Variants in DIP2A observed in about 807,000 individuals in gnomAD.
The protein encoded by DIP2A is DIP2 acetate--CoA ligase A.
In DIP2A, 85 loss-of-function variants were observed where a neutral mutation model predicts 177.4. The observed-to-expected ratio is 0.48, with a 90% CI of 0.40 to 0.57. The LOEUF (loss-of-function observed/expected upper bound fraction) is 0.57. DIP2A is among the 20% of genes least tolerant of loss of function. DIP2A has a pLI of 0.00. For missense variants in DIP2A, 1,791 were observed against 2,100.2 expected, an observed-to-expected ratio of 0.85 and a Z score of 2.88; for synonymous variants, 886 against 881.8, an observed-to-expected ratio of 1.00 and a Z score of -0.08.
At chr21:46,494,542 T>C (rs2057197873) in intron 3 of DIP2A, among the ~76,000 whole-genome samples, 1 of 152,208 alleles carries the variant, frequency 6.6e-6, no homozygotes, top group African/African-American at 2.4e-5. Flanking sequence ...CCTTCTTCAC[T>C]CAAAGGCCAG....
intron 1 of DIP2A, among the ~76,000 whole-genome samples, chr21:46,461,599 G>A (rs2054318690): frequency 6.6e-6 from 1 of 152,142 alleles, no homozygotes. Flanking sequence ...TTGTGCGACA[G>A]AACACAAGTA....
the DIP2A span, among the ~76,000 whole-genome samples, chr21:46,575,704 TATAAA>T: frequency 3.9e-4 from 59 of 152,264 alleles, no homozygotes; most frequent in African/African-American, 1.1e-3. Flanking sequence ...ATGAAAGACT[TATAAA>T]ATGAAAAGTA....
rs376110662 is a variant in DIP2A, at chr21:46,557,096, C to T, written c.3629+27C>T. Reference sequence around the variant, plus strand: ...TGAGTGCAGGGCCCCTGCTGCCTGCCAGGTGGGAGCAGCTCGTGTGGCTCT... The same window carrying T: ...TGAGTGCAGGGCCCCTGCTGCCTGCTAGGTGGGAGCAGCTCGTGTGGCTCT... On this transcript the variant is annotated intron_variant, in intron 30 of 37. Coordinates refer to ENST00000417564, the MANE Select transcript of DIP2A (RefSeq NM_015151.4). This position sits in a 1 kb window ranked among gnomAD's most constrained non-coding sequence, Gnocchi z 6.0. The T allele has an allele frequency of 2.5e-6, 4 of 1,574,362 alleles. No individual in the cohort carries two copies. In the African/African-American group the frequency reaches 4.1e-5, roughly 16 times the overall value.
intron 1 of DIP2A, among the ~76,000 whole-genome samples, chr21:46,469,765 C>A (rs889061170): frequency 6.6e-6 from 1 of 152,138 alleles, no homozygotes; most frequent in African/African-American, 2.4e-5. Context: ...ACCTGCCTTC[C>A]TTTCCTCTTC....
At chr21:46,579,550 G>A in the DIP2A span, among the ~76,000 whole-genome samples, 1 of 152,098 alleles carries the variant, frequency 6.6e-6, no homozygotes, top group Non-Finnish European at 1.5e-5. Flanking sequence ...ATGTTAGGAT[G>A]TCAATTGGAG....
intron 34 of DIP2A, 87 bp downstream of exon 34, chr21:46,561,892 G>C (rs754277204): frequency 6.4e-7 from 1 of 1,570,102 alleles, no homozygotes; most frequent in East Asian, 2.3e-5. Flanking sequence ...TGGGGGCTGC[G>C]GCTCTGATGA....
intron 27 of DIP2A, 21 bp from the exon 28 acceptor site, chr21:46,554,801 C>G (rs775789485): frequency 1.3e-6 from 2 of 1,521,820 alleles, no homozygotes; most frequent in South Asian, 2.4e-5. Context: ...GCCCACCCAC[C>G]CTTGGCCCCT....
intron 8 of DIP2A, 133 bp downstream of exon 8, chr21:46,511,747 C>T (rs1171552913): frequency 2.1e-6 from 2 of 959,624 alleles, no homozygotes; most frequent in Non-Finnish European, 2.9e-6. Context: ...AGAACATTGA[C>T]CTATACCAGG....
intron 6 of DIP2A, among the ~76,000 whole-genome samples, chr21:46,505,744 A>G (rs1181180975): frequency 6.6e-6 from 1 of 152,006 alleles, no homozygotes; most frequent in Non-Finnish European, 1.5e-5. Context: ...TTCCCCATAC[A>G]CTTCAGGCAG....
chr21:46,503,615 T>TTCCTTCCTTC (rs1568987054), intron 5 of DIP2A, among the ~76,000 whole-genome samples: 5,611 of 89,260 alleles, frequency 0.063, 197 homozygotes, highest in East Asian at 0.12. Flanking sequence ...TTCCTTCCTT[T>TTCCTTCCTTC]CTTTCTTTCT....
chr21:46,487,970 A>G (rs1184231063), intron 2 of DIP2A, among the ~76,000 whole-genome samples: 1 of 152,238 alleles, frequency 6.6e-6, no homozygotes, highest in Non-Finnish European at 1.5e-5. Flanking sequence ...GACCCATTAG[A>G]AGAGGCAAAG....
intron 5 of DIP2A, among the ~76,000 whole-genome samples, chr21:46,500,863 T>A (rs1186066725): frequency 6.6e-6 from 1 of 152,260 alleles, no homozygotes; most frequent in Non-Finnish European, 1.5e-5. Context: ...TTACCTATGT[T>A]GGTGGAAGAC....
At position 46,545,930 on chromosome 21, in the gene DIP2A, C is replaced by A; in HGVS notation, c.2363C>A (p.Thr788Asn). 1 of 1,614,026 alleles carries A rather than the reference C, an allele frequency of 6.2e-7. No individual in the cohort carries two copies. Among genetic ancestry groups the A allele is most frequent in the Non-Finnish European group, 8.5e-7 (1 of 1,179,898 alleles). ...GCACCCATCTTTGACAGGCCATTCA[C>A]CAGGACAGGCCTGCTGGGCTTCATC... ...GGAPIFDRPF[T>N]RTGLLGFIGP... The change falls in exon 20 of 38, where the codon ACC becomes AAC. Residue 788 changes from threonine to asparagine, a missense_variant. By Grantham distance (65) the Thr-to-Asn change is moderately conservative (BLOSUM62 0). Coordinates refer to ENST00000417564, the MANE Select transcript of DIP2A (RefSeq NM_015151.4).
intron 28 of DIP2A, 115 bp from the exon 29 acceptor site, chr21:46,555,867 C>T: frequency 1.2e-6 from 1 of 802,822 alleles, no homozygotes; most frequent in Admixed American, 1.8e-5. Context: ...CGTCTGAGCT[C>T]ACTCTCTGCA....
At chr21:46,477,765 G>A (rs2056029949) in intron 1 of DIP2A, among the ~76,000 whole-genome samples, 1 of 144,174 alleles carries the variant, frequency 6.9e-6, no homozygotes, top group South Asian at 2.2e-4. Flanking sequence ...TTTTTTTTTG[G>A]TAGAGGCAGG....
At chr21:46,525,881 T>TATG (rs1015152090) in intron 8 of DIP2A, among the ~76,000 whole-genome samples, 5 of 83,046 alleles carry the variant, frequency 6.0e-5, no homozygotes, top group Admixed American at 1.4e-4. Context: ...TTATTATTAT[T>TATG]ATTATTATTA....
chr21:46,554,529 A>G (rs755581289), intron 26 of DIP2A, 46 bp from the exon 27 acceptor site: 1 of 1,597,012 alleles, frequency 6.3e-7, no homozygotes. Flanking sequence ...GGCTGGTGGG[A>G]GCCTCTTGCG....
chr21:46,486,343 T>C (rs2056694591), intron 2 of DIP2A, among the ~76,000 whole-genome samples: 1 of 152,114 alleles, frequency 6.6e-6, no homozygotes, highest in African/African-American at 2.4e-5. Context: ...TACATGGGAT[T>C]ACAGGTGTGC....
chr21:46,519,707 A>G (rs4431027), intron 8 of DIP2A, among the ~76,000 whole-genome samples: 46,773 of 151,936 alleles, frequency 0.31, 7,609 homozygotes, highest in Admixed American at 0.36. Flanking sequence ...TACAACAGCA[A>G]TATATTCCAC....
Sources: gnomAD v4.1 joint callset for allele counts (sites outside exome capture counted in the v4.1 genomes callset) on GRCh38, gnomAD v4.1.1 for gene constraint, Gnocchi (gnomAD v3.1) non-coding constraint, MANE v1.5 for transcripts, NCBI Gene and HGNC (gene_info 2026-07-23, HGNC 2026-07-21) for gene names.